Variants in MFSD11 observed in about 807,000 individuals in gnomAD.
MFSD11 encodes the protein major facilitator superfamily domain containing 11, also known as UNC93-like protein MFSD11.
MFSD11 carries 36 observed loss-of-function variants against 53.5 expected under a neutral mutation model. The ratio of observed to expected loss-of-function variants is 0.67; its 90% CI spans 0.52 to 0.89. MFSD11 has a LOEUF of 0.89. Among genes scored for constraint, MFSD11 ranks in the 40% least tolerant of loss-of-function variants. MFSD11 has a pLI of 0.00. For missense variants in MFSD11, 530 were observed against 543.9 expected, an observed-to-expected ratio of 0.97 and a Z score of 0.25; for synonymous variants, 186 against 184.9, an observed-to-expected ratio of 1.01 and a Z score of -0.05.
At chr17:76,796,766 A>G in the MFSD11 span, among the ~76,000 whole-genome samples, 2 of 146,578 alleles carry the variant, frequency 1.4e-5, no homozygotes, top group African/African-American at 5.0e-5. Flanking sequence ...AGAGTTTGAG[A>G]CCAGCCTGGC....
chr17:76,769,691 G>A (rs1167615193), intron 9 of MFSD11, 55 bp from the exon 10 acceptor site: 1 of 1,453,256 alleles, frequency 6.9e-7, no homozygotes, highest in Non-Finnish European at 9.4e-7. Context: ...TAGATGGGAA[G>A]ATAAACAAAA....
rs201898678 is a variant in MFSD11, at chr17:76,743,472, G to A, written c.496+16G>A. ...CAGATATCAGGTTTGTTTTATTCGC[G>A]TTGCTTTATTCAGATATGTTCAAAG... On this transcript the variant is annotated intron_variant, in intron 6 of 12. Coordinates refer to ENST00000685175, the MANE Select transcript of MFSD11 (RefSeq NM_001242532.5). 129 of 1,530,484 alleles carry A rather than the reference G, an allele frequency of 8.4e-5. No individual in the cohort carries two copies. In the East Asian group the frequency reaches 2.4e-3, roughly 28 times the overall value. The allele number at this position is 1,530,484 out of a possible 1,614,324, so 94.8% of individuals were successfully genotyped here.
chr17:76,800,143 AC>A, the MFSD11 span, among the ~76,000 whole-genome samples: 101,834 of 150,678 alleles, frequency 0.68, 35,110 homozygotes, highest in Middle Eastern at 0.78. Context: ...TTTAGTAGAG[AC>A]GGGTTTCACC....
At chr17:76,762,771 G>A (rs1358883761) in intron 8 of MFSD11, among the ~76,000 whole-genome samples, 2 of 151,912 alleles carry the variant, frequency 1.3e-5, no homozygotes, top group African/African-American at 4.8e-5. Context: ...TTGACATCGT[G>A]GACTTCCCGA....
the MFSD11 span, among the ~76,000 whole-genome samples, chr17:76,795,026 A>G: frequency 1.3e-5 from 2 of 151,938 alleles, no homozygotes; most frequent in Non-Finnish European, 2.9e-5. Flanking sequence ...TCAGTCCTCC[A>G]TAACCATTTT....
chr17:76,780,505 T>G (rs1483779642), downstream of MFSD11, among the ~76,000 whole-genome samples: 1 of 150,422 alleles, frequency 6.6e-6, no homozygotes, highest in Non-Finnish European at 1.5e-5. Context: ...GTCTTTTGGT[T>G]GTTGTGTATG....
At chr17:76,772,697 T>A (rs1008135541) in intron 10 of MFSD11, among the ~76,000 whole-genome samples, 19 of 151,856 alleles carry the variant, frequency 1.3e-4, no homozygotes, top group Non-Finnish European at 1.8e-4. Flanking sequence ...TTTGTATTTT[T>A]AGTAGAGATG....
downstream of MFSD11, chr17:76,781,177 C>T (rs976320568): frequency 1.3e-5 from 2 of 152,168 alleles, no homozygotes; most frequent in South Asian, 2.1e-4. Flanking sequence ...CCTGCTCACT[C>T]GTATAGTTGT....
chr17:76,786,645 T>C, the MFSD11 span, among the ~76,000 whole-genome samples: 1 of 152,168 alleles, frequency 6.6e-6, no homozygotes, highest in African/African-American at 2.4e-5. Flanking sequence ...GCAACAAAGA[T>C]GCAGAAACAC....
At position 76,741,974 on chromosome 17, in the gene MFSD11, A is replaced by G; in HGVS notation, c.266A>G (p.Tyr89Cys). 6.2e-7 allele frequency: 1 copy of G among 1,614,096 alleles called. No homozygotes were observed. The change falls in exon 4 of 13, where the codon TAC becomes TGC. Residue 89 changes from tyrosine (Y) to cysteine (C), a missense_variant. Physicochemically the swap from Tyr to Cys is radical, Grantham distance 194. Coordinates refer to ENST00000685175, the MANE Select transcript of MFSD11 (RefSeq NM_001242532.5). ...CTTGACCTGTTATATTTTAGCATGT[A>G]CATTGCCGTTTTCATCCAGCCTTTC... is the stretch of plus-strand genomic sequence containing the variant. ...MFASGLFYSM[Y>C]IAVFIQPFPW...
intron 7 of MFSD11, among the ~76,000 whole-genome samples, chr17:76,749,531 C>A (rs200325853): frequency 1.9e-4 from 28 of 144,172 alleles, no homozygotes; most frequent in East Asian, 2.0e-4. Context: ...GAGCCTGTCT[C>A]AAAAAAAAAA....
At chr17:76,737,352 C>A (rs1332963631), upstream of MFSD11, 5 of 705,200 alleles carry the variant, frequency 7.1e-6, no homozygotes, top group East Asian at 1.1e-4. Context: ...CCGGCCTCTG[C>A]GCCCGTTTAT....
intron 8 of MFSD11, among the ~76,000 whole-genome samples, chr17:76,757,172 A>G (rs1284388493): frequency 6.6e-6 from 1 of 152,194 alleles, no homozygotes. Context: ...GATTCAGGAC[A>G]TCTCACCTAG....
intron 8 of MFSD11, among the ~76,000 whole-genome samples, chr17:76,759,128 G>A (rs1388907167): frequency 2.0e-5 from 3 of 151,988 alleles, no homozygotes; most frequent in Non-Finnish European, 4.4e-5. Context: ...ATGGTGGCAC[G>A]TCCCAGCTAT....
intron 2 of MFSD11, among the ~76,000 whole-genome samples, chr17:76,740,008 T>TA (rs2077903138): frequency 7.1e-6 from 1 of 140,452 alleles, no homozygotes; most frequent in Admixed American, 7.0e-5. Context: ...GTACTAAAAA[T>TA]ACAAAAAAAA....
Position 76,774,996 on chromosome 17 carries a change from G to A in MFSD11, c.875-1G>A. The A allele has an allele frequency of 1.2e-6, 2 of 1,612,968 alleles. No homozygotes were observed. The highest frequency in any genetic ancestry group is 8.5e-7 in the Non-Finnish European group (1 of 1,179,448). On this transcript the variant is annotated splice_acceptor_variant, in intron 10 of 12. Coordinates refer to ENST00000685175, the MANE Select transcript of MFSD11 (RefSeq NM_001242532.5). LOFTEE classifies it high-confidence loss of function. The stretch of plus-strand genomic sequence containing the variant: ...GACGTTTCTGCCATCTTGACTTATA[G>A]GTGGAAGCCTCTTCGGCCTGCTGAG...
the MFSD11 span, among the ~76,000 whole-genome samples, chr17:76,799,810 TA>T: frequency 6.6e-6 from 1 of 151,932 alleles, no homozygotes; most frequent in Non-Finnish European, 1.5e-5. Flanking sequence ...AATATTCTAT[TA>T]GGGGAAAAAA....
intron 8 of MFSD11, among the ~76,000 whole-genome samples, chr17:76,766,087 ATTTCTT>A (rs1444171590): frequency 6.6e-6 from 1 of 150,532 alleles, no homozygotes; most frequent in Non-Finnish European, 1.5e-5. Context: ...ATCTTTTAGA[ATTTCTT>A]TTTGTTAGCT....
intron 7 of MFSD11, among the ~76,000 whole-genome samples, chr17:76,746,630 A>C (rs1223600476): frequency 6.6e-6 from 1 of 152,158 alleles, no homozygotes; most frequent in Non-Finnish European, 1.5e-5. Flanking sequence ...AAACCCTATG[A>C]CCCTTAAGAA....
Sources: gnomAD v4.1 joint callset for allele counts (sites outside exome capture counted in the v4.1 genomes callset) on GRCh38, gnomAD v4.1.1 for gene constraint, MANE v1.5 for transcripts, NCBI Gene and HGNC (gene_info 2026-07-23, HGNC 2026-07-21) for gene names.